GALNTL6: variants seen among roughly 807,000 people sequenced by gnomAD.
GALNTL6 encodes the protein polypeptide N-acetylgalactosaminyltransferase-like 6.
GALNTL6 carries 46 observed loss-of-function variants against 73.7 expected under a neutral mutation model. The observed-to-expected ratio is 0.62, with a 90% CI of 0.49 to 0.80. The LOEUF (loss-of-function observed/expected upper bound fraction) is 0.80. Ranked by LOEUF, GALNTL6 falls within the 30% of genes least tolerant of loss-of-function variation. The pLI is 0.00. For missense variants in GALNTL6, 604 were observed against 755.0 expected (o/e 0.80, Z 2.34); for synonymous variants, 259 against 263.7 (o/e 0.98, Z 0.17).
At chr4:172,248,325 G>A (rs1030489101) in intron 3 of GALNTL6, among the ~76,000 whole-genome samples, 6 of 152,140 alleles carry the variant, frequency 3.9e-5, no homozygotes, top group African/African-American at 1.4e-4. Flanking sequence ...CACAGCAAGG[G>A]ACCACCCCTT....
chr4:172,097,781 A>G (rs1732397898), intron 2 of GALNTL6, among the ~76,000 whole-genome samples: 1 of 152,180 alleles, frequency 6.6e-6, no homozygotes, highest in Admixed American at 6.5e-5. Context: ...GGTTTGCTCT[A>G]TAACTGGTCA....
At chr4:171,929,744 G>A (rs1738115351) in intron 2 of GALNTL6, among the ~76,000 whole-genome samples, 1 of 152,100 alleles carries the variant, frequency 6.6e-6, no homozygotes, top group African/African-American at 2.4e-5. Flanking sequence ...CCCACCCCTG[G>A]CCTGAAAGGG....
chr4:172,141,061 G>T (rs1444437993), intron 2 of GALNTL6, among the ~76,000 whole-genome samples: 1 of 151,848 alleles, frequency 6.6e-6, no homozygotes, highest in African/African-American at 2.4e-5. Flanking sequence ...ATTAATCTTT[G>T]CCCTTTATGT....
intron 2 of GALNTL6, among the ~76,000 whole-genome samples, chr4:172,204,798 T>C (rs555808747): frequency 6.6e-6 from 1 of 152,212 alleles, no homozygotes; most frequent in Non-Finnish European, 1.5e-5. Context: ...GTAGTCATTG[T>C]GCTCCTTTGC....
chr4:172,128,792 G>A (rs1420615689), intron 2 of GALNTL6, among the ~76,000 whole-genome samples: 1 of 152,124 alleles, frequency 6.6e-6, no homozygotes. Flanking sequence ...CTGGTTGTTT[G>A]ACTAGTGTCA....
chr4:171,924,169 A>T (rs1382742866), intron 2 of GALNTL6, among the ~76,000 whole-genome samples: 2 of 141,396 alleles, frequency 1.4e-5, no homozygotes, highest in African/African-American at 5.6e-5. Context: ...GTTAAAAAAA[A>T]TACACCACAC....
At chr4:172,898,052 A>G (rs1746422370) in intron 8 of GALNTL6, among the ~76,000 whole-genome samples, 1 of 152,158 alleles carries the variant, frequency 6.6e-6, no homozygotes, top group South Asian at 2.1e-4. Context: ...AATTAATTAA[A>G]ATGAAAGAAA....
chr4:172,761,669 T>TCTCTCTCTCTCTCTC (rs1553985721), intron 5 of GALNTL6, among the ~76,000 whole-genome samples: 8 of 147,282 alleles, frequency 5.4e-5, no homozygotes, highest in African/African-American at 1.5e-4. Flanking sequence ...CTTGCTCTCT[T>TCTCTCTCTCTCTCTC]TCTCTCTCTC....
chr4:171,849,144 T>A (rs1014006543), intron 2 of GALNTL6, among the ~76,000 whole-genome samples: 1 of 152,202 alleles, frequency 6.6e-6, no homozygotes, highest in African/African-American at 2.4e-5. Context: ...TTAAGCTTAA[T>A]CATTTTTAGC....
rs114739067 is a variant in GALNTL6 at position 171,932,088 on chromosome 4, G to T, written c.138+117370G>T. Among the ~76,000 whole-genome samples the T allele has an allele frequency of 4.8e-3, 724 of 152,230 alleles. 13 individuals are homozygous for T. Among genetic ancestry groups the T allele is most frequent in the African/African-American group, 0.017 (690 of 41,554 alleles). ...GACAACATAGAAATATTTAATGGGGGCTGCTTCCCTAGAGTTAAGGATATT... is the reference window on the plus strand; with the variant it reads ...GACAACATAGAAATATTTAATGGGGTCTGCTTCCCTAGAGTTAAGGATATT... On this transcript the variant is annotated intron_variant, in intron 2 of 12. Coordinates refer to ENST00000506823, the MANE Select transcript of GALNTL6 (RefSeq NM_001034845.3).
intron 5 of GALNTL6, chr4:172,667,780 C>G (rs535847294): frequency 2.2e-4 from 33 of 152,344 alleles, no homozygotes; most frequent in African/African-American, 7.9e-4. Context: ...TTAGGAAAAA[C>G]TGCAAGTTCT....
chr4:171,848,021 T>C (rs1310816015), intron 2 of GALNTL6, among the ~76,000 whole-genome samples: 1 of 152,224 alleles, frequency 6.6e-6, no homozygotes, highest in Non-Finnish European at 1.5e-5. Context: ...GAGGAGTCAC[T>C]GTCTATGGCA....
chr4:172,396,208 T>C (rs1743843907), intron 5 of GALNTL6, among the ~76,000 whole-genome samples: 1 of 152,178 alleles, frequency 6.6e-6, no homozygotes, highest in African/African-American at 2.4e-5. Context: ...CTCGGGCAGT[T>C]TGAGTTTAAA....
intron 2 of GALNTL6, among the ~76,000 whole-genome samples, chr4:172,084,713 G>C (rs1001957707): frequency 2.0e-5 from 3 of 152,096 alleles, no homozygotes; most frequent in Non-Finnish European, 2.9e-5. Flanking sequence ...ACTGGGATCA[G>C]GCAATTTGGC....
intron 5 of GALNTL6, among the ~76,000 whole-genome samples, chr4:172,354,064 TTTTTA>T (rs1353055620): frequency 6.6e-6 from 1 of 152,102 alleles, no homozygotes; most frequent in Non-Finnish European, 1.5e-5. Context: ...TGGTAGTGCC[TTTTTA>T]TTTTATATTA....
intron 10 of GALNTL6, among the ~76,000 whole-genome samples, chr4:172,952,882 G>A (rs1333971501): frequency 6.6e-6 from 1 of 152,198 alleles, no homozygotes; most frequent in East Asian, 1.9e-4. Context: ...ATCGGCGTTT[G>A]TAGAGAATTG....
intron 5 of GALNTL6, among the ~76,000 whole-genome samples, chr4:172,563,360 G>A (rs1455679469): frequency 8.6e-6 from 1 of 115,800 alleles, no homozygotes; most frequent in Admixed American, 9.8e-5. Context: ...ATGACCAACT[G>A]TCAATCCCGC....
Position 173,040,012 on chromosome 4 carries a change from GTGACCCTCTC to G in GALNTL6, c.1720_1729del (p.Asp574LeufsTer13). 6.2e-7 allele frequency: 1 copy of G among 1,613,502 alleles called. No homozygotes were observed. The highest frequency in any genetic ancestry group is 8.5e-7 in the Non-Finnish European group (1 of 1,179,424). On this transcript the variant is annotated frameshift_variant, in exon 13 of 13. Coordinates refer to ENST00000506823, the MANE Select transcript of GALNTL6 (RefSeq NM_001034845.3). LOFTEE classifies it high-confidence loss of function. ...GAGAAGAAGATTTTCATGGCCAGAT[GTGACCCTCTC>G]TCTGAGACTCAGCAGTGGATTTTTG...
chr4:172,568,175 C>T (rs916653560), intron 5 of GALNTL6, among the ~76,000 whole-genome samples: 3 of 152,058 alleles, frequency 2.0e-5, no homozygotes, highest in African/African-American at 4.8e-5. Flanking sequence ...AATTTTGAAA[C>T]GAGTCTCCTC....
Sources: allele counts gnomAD v4.1 joint callset (sites outside exome capture counted in the v4.1 genomes callset), GRCh38; gene constraint gnomAD v4.1.1; transcripts MANE v1.5; gene names NCBI Gene and HGNC (gene_info 2026-07-23, HGNC 2026-07-21).